Variants in SUFU observed in about 807,000 individuals in gnomAD.
SUFU encodes suppressor of fused homolog.
A neutral mutation model predicts 58.9 loss-of-function variants in SUFU; 7 were observed. The observed-to-expected ratio is 0.12, with a 90% CI of 0.07 to 0.22. The LOEUF is 0.22. Among genes scored for constraint, SUFU ranks in the 10% least tolerant of loss-of-function variants. SUFU has a pLI of 1.00. For synonymous variants in SUFU, 232 were observed against 254.8 expected (o/e 0.91, Z 0.85); for missense variants, 451 against 641.3 (o/e 0.70, Z 3.20).
At chr10:102,559,848 T>C (rs2063017737) in intron 3 of SUFU, among the ~76,000 whole-genome samples, 1 of 152,198 alleles carries the variant, frequency 6.6e-6, no homozygotes, top group African/African-American at 2.4e-5. Context: ...TTCATTTGCG[T>C]TTTTAGGAAA....
chr10:102,546,576 CT>C (rs921672780), intron 2 of SUFU, among the ~76,000 whole-genome samples: 16 of 152,352 alleles, frequency 1.1e-4, no homozygotes, highest in African/African-American at 3.6e-4. Context: ...GACAAAACCA[CT>C]TTGGCTAGAG....
chr10:102,605,562 C>T (rs2063555466), intron 8 of SUFU, among the ~76,000 whole-genome samples: 1 of 152,126 alleles, frequency 6.6e-6, no homozygotes. Flanking sequence ...CCTTTTGTGG[C>T]CTTTTACTCC....
In SUFU at chr10:102,592,605, C is replaced by A; in HGVS notation, c.478C>A (p.His160Asn). ...AGAGAACACCTTCTGCAGTGGGGAC[C>A]ATGTGTCCTGGCACAGCCCTTTGGA... ...QSENTFCSGD[H>N]VSWHSPLDNS... The change falls in exon 4 of 12, where the codon CAT (histidine) becomes AAT (asparagine). Residue 160 changes from histidine (H) to asparagine (N), a missense_variant. By Grantham distance (68) the His-to-Asn change is moderately conservative (BLOSUM62 1). Transcript: ENST00000369902. 1.9e-6 allele frequency: 3 copies of A among 1,614,152 alleles called. No homozygotes were observed. Among genetic ancestry groups the A allele is most frequent in the Non-Finnish European group, 2.5e-6 (3 of 1,180,028 alleles).
intron 2 of SUFU, among the ~76,000 whole-genome samples, chr10:102,541,193 C>T (rs1194099324): frequency 1.3e-5 from 2 of 152,048 alleles, no homozygotes; most frequent in African/African-American, 4.8e-5. Context: ...AGCATTATCA[C>T]GGATCCAAAA....
At chr10:102,549,777 A>T (rs569035589) in intron 2 of SUFU, among the ~76,000 whole-genome samples, 193 bp from the exon 3 acceptor site, 1 of 152,136 alleles carries the variant, frequency 6.6e-6, no homozygotes, top group Non-Finnish European at 1.5e-5. Context: ...TGGCAGGAGG[A>T]TGAGGCAAGA....
intron 9 of SUFU, among the ~76,000 whole-genome samples, chr10:102,616,652 C>T (rs1416441470): frequency 6.6e-6 from 1 of 152,240 alleles, no homozygotes; most frequent in Non-Finnish European, 1.5e-5. Context: ...CCCTGCCTGC[C>T]CCTCCCCCAG....
chr10:102,519,265 G>A (rs1022160587), intron 2 of SUFU, among the ~76,000 whole-genome samples: 3 of 149,648 alleles, frequency 2.0e-5, no homozygotes, highest in Non-Finnish European at 4.5e-5. Flanking sequence ...TGGCTCACTC[G>A]TGTAATCCCA....
intron 8 of SUFU, among the ~76,000 whole-genome samples, chr10:102,613,297 A>G (rs1002878253): frequency 8.5e-5 from 13 of 152,394 alleles, no homozygotes; most frequent in African/African-American, 3.1e-4. Context: ...AGGCAGTTTT[A>G]GAGCTGGCTT....
rs1383937909 is a variant in SUFU, at chr10:102,537,539, C to T, written c.318-12431C>T. Among the ~76,000 whole-genome samples, 3 of 152,210 alleles carry T rather than the reference C, an allele frequency of 2.0e-5. No individual in the cohort carries two copies. In the East Asian group the frequency reaches 5.8e-4, roughly 29 times the overall value. On this transcript the variant is annotated intron_variant, in intron 2 of 11. Transcript: ENST00000369902. ...TTCCACTTTCAGAAACACTCTGTACCCCTTAAACAATAACTCCCCCTTCTC... is the reference window on the plus strand; with the variant it reads ...TTCCACTTTCAGAAACACTCTGTACTCCTTAAACAATAACTCCCCCTTCTC...
chr10:102,544,137 A>C (rs2062831008), intron 2 of SUFU, among the ~76,000 whole-genome samples: 1 of 152,154 alleles, frequency 6.6e-6, no homozygotes, highest in Admixed American at 6.6e-5. Context: ...ACAGACTTCA[A>C]GTTCTAGCTC....
chr10:102,588,913 GTTTATTTA>G (rs569411510), intron 3 of SUFU, among the ~76,000 whole-genome samples: 1 of 151,936 alleles, frequency 6.6e-6, no homozygotes, highest in South Asian at 2.1e-4. Context: ...TTTTTATTTT[GTTTATTTA>G]TTTATTTATT....
intron 3 of SUFU, among the ~76,000 whole-genome samples, chr10:102,565,192 T>C (rs956282794): frequency 6.6e-6 from 1 of 152,232 alleles, no homozygotes; most frequent in African/African-American, 2.4e-5. Flanking sequence ...GTAACAAGAA[T>C]GATATGGCCC....
chr10:102,569,864 G>A lies in SUFU; in HGVS notation c.454+19758G>A, dbSNP rs142404447. On this transcript the variant is annotated intron_variant, in intron 3 of 11. Transcript: ENST00000369902. ...AAACCTTTCAAAACTGTCCATCTAT[G>A]AGGAATGACTATAAAAGTGAGGTAA... 3.1e-3 allele frequency among the ~76,000 whole-genome samples: 469 copies of A among 152,274 alleles called. 4 individuals are homozygous for A. Among genetic ancestry groups the A allele is most frequent in the African/African-American group, 0.011 (451 of 41,548 alleles).
rs754263197 is a variant in SUFU at position 102,629,081 on chromosome 10, G to A, written c.1366-985G>A. Among the ~76,000 whole-genome samples, 11 of 152,050 alleles carry A rather than the reference G, an allele frequency of 7.2e-5. No individual in the cohort carries two copies. The highest frequency in any genetic ancestry group is 1.9e-4 in the East Asian group (1 of 5,186). Reference sequence around the variant, plus strand: ...TGAGGCACGAGAATCGCTTGAACCCGGGAAGCAAAAGTTGCAGTGAGCCGA... The same window carrying A: ...TGAGGCACGAGAATCGCTTGAACCCAGGAAGCAAAAGTTGCAGTGAGCCGA... On this transcript the variant is annotated intron_variant, in intron 11 of 11. Coordinates refer to ENST00000369902, the MANE Select transcript of SUFU (RefSeq NM_016169.4). This position sits in a 1 kb window ranked among gnomAD's most constrained non-coding sequence, Gnocchi z 4.7.
rs758518627 is a variant in SUFU at position 102,630,054 on chromosome 10, C to G, written c.1366-12C>G. ...CACTCACACTCCTGGTCTGTGCTTG[C>G]TCCCTCCACAGTTCAAACTTCCCAA... On this transcript the variant is annotated splice_polypyrimidine_tract_variant and intron_variant, in intron 11 of 11. Coordinates refer to ENST00000369902, the MANE Select transcript of SUFU (RefSeq NM_016169.4). 3 of 1,613,122 alleles carry G rather than the reference C, an allele frequency of 1.9e-6. No homozygotes were observed. Among genetic ancestry groups the G allele is most frequent in the Non-Finnish European group, 2.5e-6 (3 of 1,179,046 alleles).
intron 2 of SUFU, among the ~76,000 whole-genome samples, chr10:102,543,185 TGA>T (rs1469640471): frequency 6.6e-6 from 1 of 152,200 alleles, no homozygotes; most frequent in Non-Finnish European, 1.5e-5. Flanking sequence ...CGGCAACATA[TGA>T]GAGTGTCTCT....
intron 3 of SUFU, among the ~76,000 whole-genome samples, chr10:102,581,222 A>AC (rs2063276416): frequency 2.2e-5 from 1 of 45,584 alleles, no homozygotes; most frequent in African/African-American, 8.1e-5. Context: ...GAAGAAGAAG[A>AC]AATTAGGCAT....
chr10:102,534,455 T>C (rs1456645991), intron 2 of SUFU, among the ~76,000 whole-genome samples: 1 of 152,184 alleles, frequency 6.6e-6, no homozygotes, highest in Non-Finnish European at 1.5e-5. Context: ...ACTCTGACTT[T>C]GTCCCTCTTT....
chr10:102,545,632 G>T (rs550751636), intron 2 of SUFU, among the ~76,000 whole-genome samples: 12 of 152,260 alleles, frequency 7.9e-5, no homozygotes, highest in Admixed American at 7.2e-4. Flanking sequence ...ATGATAGAGG[G>T]TGTGGAGGGG....
Sources: gnomAD v4.1 joint callset for allele counts (sites outside exome capture counted in the v4.1 genomes callset) on GRCh38, gnomAD v4.1.1 for gene constraint, Gnocchi (gnomAD v3.1) non-coding constraint, MANE v1.5 for transcripts, NCBI Gene and HGNC (gene_info 2026-07-23, HGNC 2026-07-21) for gene names.